Variants in RBFOX1 observed in about 807,000 individuals in gnomAD.
The protein encoded by RBFOX1 is RNA binding protein fox-1 homolog 1.
RBFOX1 carries 8 observed loss-of-function variants against 57.7 expected under a neutral mutation model. The ratio of observed to expected loss-of-function variants is 0.14; its 90% confidence interval spans 0.08 to 0.25. RBFOX1 has a LOEUF of 0.25. RBFOX1 is among the 10% of genes least tolerant of loss of function. The pLI is 1.00. For synonymous variants in RBFOX1, 326 were observed against 222.4 expected, an observed-to-expected ratio of 1.47 and a Z score of -4.15; for missense variants, 611 against 548.5, an observed-to-expected ratio of 1.11 and a Z score of -1.14.
chr16:6,181,444 G>A (rs1598132043), intron 1 of RBFOX1, among the ~76,000 whole-genome samples: 1 of 152,258 alleles, frequency 6.6e-6, no homozygotes, highest in East Asian at 1.9e-4. Context: ...GAAATTTTGG[G>A]GGGGTCAGTT....
At chr16:5,792,799 T>C (rs1227379561) in intron 3 of RBFOX1, among the ~76,000 whole-genome samples, 1 of 152,028 alleles carries the variant, frequency 6.6e-6, no homozygotes, top group Non-Finnish European at 1.5e-5. Context: ...GGTGAGATCG[T>C]GCCACTGCAC....
At chr16:5,657,388 C>A (rs1048149324) in intron 3 of RBFOX1, among the ~76,000 whole-genome samples, 1 of 152,306 alleles carries the variant, frequency 6.6e-6, no homozygotes, top group Middle Eastern at 3.4e-3. Context: ...CCTGCTGTTG[C>A]TGTTTACAGA....
Position 6,246,818 on chromosome 16 carries a change from C to A in RBFOX1, c.-126-70177C>A, listed in dbSNP as rs549919168. The stretch of plus-strand genomic sequence containing the variant: ...GCATTGTGGCTCACGCCTATAATCC[C>A]AGCACTTTAGATGGCTGAGGCGGGC... On this transcript the variant is annotated intron_variant, in intron 1 of 15. Transcript: ENST00000550418. Among the ~76,000 whole-genome samples the A allele has an allele frequency of 3.9e-5, 6 of 152,256 alleles. 1 individual carries two copies. The South Asian group carries it at 8.3e-4, about 21-fold the overall frequency.
intron 2 of RBFOX1, among the ~76,000 whole-genome samples, chr16:5,489,158 G>A (rs2151666032): frequency 6.6e-6 from 1 of 152,316 alleles, no homozygotes; most frequent in African/African-American, 2.4e-5. Flanking sequence ...AGGGAAGGTT[G>A]GGGTATTTCT....
At chr16:7,116,556 A>C (rs904406317) in intron 4 of RBFOX1, among the ~76,000 whole-genome samples, 13 of 152,208 alleles carry the variant, frequency 8.5e-5, no homozygotes, top group African/African-American at 3.1e-4. Context: ...TATTTCCACT[A>C]AATGAGTCCA....
intron 2 of RBFOX1, among the ~76,000 whole-genome samples, chr16:5,475,990 C>G (rs1036895328): frequency 2.0e-5 from 3 of 152,066 alleles, no homozygotes; most frequent in South Asian, 2.1e-4. Context: ...TTACTGCTGC[C>G]AAGTGTACGT....
At chr16:7,179,634 AG>A (rs1378819577) in intron 4 of RBFOX1, among the ~76,000 whole-genome samples, 3 of 152,096 alleles carry the variant, frequency 2.0e-5, no homozygotes, top group Non-Finnish European at 4.4e-5. Flanking sequence ...CTGACCACAT[AG>A]GGGGAGATTC....
intron 2 of RBFOX1, among the ~76,000 whole-genome samples, chr16:6,598,641 T>A (rs1439408080): frequency 6.6e-6 from 1 of 152,088 alleles, no homozygotes; most frequent in Non-Finnish European, 1.5e-5. Flanking sequence ...CCATTCAAAA[T>A]GGCTTTTAAG....
chr16:6,343,762 A>C (rs2084915544), intron 2 of RBFOX1, among the ~76,000 whole-genome samples: 1 of 152,328 alleles, frequency 6.6e-6, no homozygotes, highest in South Asian at 2.1e-4. Context: ...GATTTGAATC[A>C]GTCGTCTTTC....
At chr16:7,324,561 A>T (rs1264739379) in intron 4 of RBFOX1, among the ~76,000 whole-genome samples, 1 of 152,212 alleles carries the variant, frequency 6.6e-6, no homozygotes, top group East Asian at 1.9e-4. Context: ...GGCATTGTTG[A>T]TCTCAGCAGA....
At chr16:7,279,253 T>G (rs920277489) in intron 4 of RBFOX1, among the ~76,000 whole-genome samples, 1 of 152,166 alleles carries the variant, frequency 6.6e-6, no homozygotes, top group Non-Finnish European at 1.5e-5. Flanking sequence ...TTTCTCTGTT[T>G]ATAACATGTC....
chr16:7,260,507 C>T (rs1010884), intron 4 of RBFOX1, among the ~76,000 whole-genome samples: 12,115 of 152,076 alleles, frequency 0.08, 501 homozygotes, highest in South Asian at 0.12. Context: ...ACTCTTTCCC[C>T]GTTAACTGCT....
intron 3 of RBFOX1, among the ~76,000 whole-genome samples, chr16:6,982,441 C>G (rs1301901783): frequency 6.6e-6 from 1 of 152,142 alleles, no homozygotes. Flanking sequence ...CTACTTAAGT[C>G]CTTTCATTGC....
chr16:6,163,081 C>A (rs185106909), intron 1 of RBFOX1, among the ~76,000 whole-genome samples: 246 of 152,062 alleles, frequency 1.6e-3, no homozygotes, highest in Non-Finnish European at 2.9e-3. Context: ...AAAATGAGAC[C>A]CAGAGAAGGT....
chr16:5,722,050 A>G lies in RBFOX1; in HGVS notation c.318+123089A>G, dbSNP rs1332947774. Among the ~76,000 whole-genome samples, 3 of 152,224 alleles carry G rather than the reference A, an allele frequency of 2.0e-5. No homozygotes were observed. The South Asian group carries it at 6.2e-4, about 32-fold the overall frequency. Reference sequence around the variant, plus strand: ...AGGAGAATCCTCATGTGGTAGAATCATAAATCCGAAGTATTGAACTCTGTT... The same window carrying G: ...AGGAGAATCCTCATGTGGTAGAATCGTAAATCCGAAGTATTGAACTCTGTT... On this transcript the variant is annotated intron_variant, in intron 3 of 19. Coordinates refer to the RBFOX1 transcript ENST00000641259.
intron 2 of RBFOX1, among the ~76,000 whole-genome samples, chr16:6,504,392 T>TTTCTGA (rs1465592050): frequency 2.6e-5 from 4 of 152,214 alleles, no homozygotes; most frequent in Non-Finnish European, 5.9e-5. Flanking sequence ...TGTGTTTGCT[T>TTTCTGA]TTCTGATTCT....
At chr16:6,841,338 A>C (rs1465550000) in intron 3 of RBFOX1, among the ~76,000 whole-genome samples, 1 of 152,182 alleles carries the variant, frequency 6.6e-6, no homozygotes. Flanking sequence ...GCAAACATGC[A>C]TTGAAGAATG....
rs1371129998 is a variant in RBFOX1 at position 7,607,396 on chromosome 16, G to A, written c.676+58G>A. 5.4e-6 allele frequency: 8 copies of A among 1,470,308 alleles called. No individual in the cohort carries two copies. In the African/African-American group the frequency reaches 9.8e-5, roughly 18 times the overall value. The allele number at this position is 1,470,308 out of a possible 1,614,324, so 91.1% of individuals were successfully genotyped here. A position where few individuals can be genotyped will look rare whatever the true frequency, so the allele number is the denominator to read the frequency against. ...AGTCTTTTCTAAATGTGCTTTGCCT[G>A]CCAAGAATGAATGAGTTTTGTAAAA... On this transcript the variant is annotated intron_variant, in intron 10 of 15. Transcript: ENST00000550418.
intron 3 of RBFOX1, among the ~76,000 whole-genome samples, chr16:7,000,872 G>C (rs2092729201): frequency 6.6e-6 from 1 of 152,074 alleles, no homozygotes; most frequent in South Asian, 2.1e-4. Context: ...AAAGTGCTGG[G>C]ATTACAGGCG....
Sources: gnomAD v4.1 joint callset for allele counts (sites outside exome capture counted in the v4.1 genomes callset) on GRCh38, gnomAD v4.1.1 for gene constraint, MANE v1.5 for transcripts, NCBI Gene and HGNC (gene_info 2026-07-23, HGNC 2026-07-21) for gene names.